Variants in BRSK2 observed in about 807,000 individuals in gnomAD.
The protein encoded by BRSK2 is BR serine/threonine kinase 2.
Under a neutral mutation model 83.3 loss-of-function variants are expected in BRSK2, and 19 were observed. The ratio of observed to expected loss-of-function variants is 0.23; its 90% CI spans 0.16 to 0.33. The LOEUF (loss-of-function observed/expected upper bound fraction) is 0.33, where lower values mean the gene tolerates loss of function less well. Among genes scored for constraint, BRSK2 ranks in the 10% least tolerant of loss-of-function variants. BRSK2 has a pLI of 1.00. For synonymous variants in BRSK2, 519 were observed against 435.4 expected (o/e 1.19, Z -2.39); for missense variants, 798 against 1,042.3 (o/e 0.77, Z 3.23).
chr11:1,411,244 C>G (rs1847462874), intron 1 of BRSK2: 3 of 1,273,124 alleles, frequency 2.4e-6, no homozygotes, highest in Admixed American at 4.0e-5. Context: ...CTTCCTTCCT[C>G]ACAGCCTTGC....
chr11:1,460,384 C>A, intron 19 of BRSK2, 116 bp from the exon 20 acceptor site: 5 of 935,128 alleles, frequency 5.3e-6, no homozygotes, highest in Non-Finnish European at 7.3e-6. Context: ...GAGGCCTCTT[C>A]GTTCATTTGT....
At chr11:1,457,258 A>G (rs886658219) in intron 18 of BRSK2, among the ~76,000 whole-genome samples, 3 of 152,068 alleles carry the variant, frequency 2.0e-5, no homozygotes, top group Admixed American at 6.5e-5. Flanking sequence ...ACTCCCCGCC[A>G]TGGCACCCTA....
chr11:1,457,013 G>A (rs1412213263), intron 18 of BRSK2: 1 of 1,595,982 alleles, frequency 6.3e-7, no homozygotes, highest in Admixed American at 1.7e-5. Context: ...GCCAGAAGGT[G>A]GCCACCAGCT....
intron 2 of BRSK2, among the ~76,000 whole-genome samples, chr11:1,437,843 C>T (rs944554083): frequency 4.7e-4 from 71 of 152,142 alleles, no homozygotes; most frequent in Non-Finnish European, 1.8e-4. Context: ...GCTGGGCTCA[C>T]AGAGAGGCCC....
At position 1,460,552 on chromosome 11, in the gene BRSK2, GA is replaced by G. The variant is rs1847343158; in HGVS notation, c.2042del (p.Lys681ArgfsTer176). On this transcript the variant is annotated frameshift_variant, in exon 20 of 20. Coordinates refer to ENST00000528841, the MANE Select transcript of BRSK2 (RefSeq NM_001256627.2). LOFTEE classifies it high-confidence loss of function. ...TAATTAAACAACTTTTTTCAGACGA[GA>G]AGAACGGGCAGGCGGCCCAGGCCCC... is the stretch of plus-strand genomic sequence containing the variant. ...DVIKQLFSDEKNGQAAQAPST... is the reference protein window; with the variant it reads ...DVIKQLFSDEXNGQAAQAPST... 1.1e-5 allele frequency: 16 copies of G among 1,522,330 alleles called. No homozygotes were observed. The highest frequency in any genetic ancestry group is 2.0e-5 in the Admixed American group (1 of 50,002). The allele number at this position is 1,522,330 out of a possible 1,614,324, so 94.3% of individuals were successfully genotyped here. A position where few individuals can be genotyped will look rare whatever the true frequency, so the allele number is the denominator to read the frequency against.
intron 1 of BRSK2, among the ~76,000 whole-genome samples, chr11:1,391,481 G>A (rs181579351): frequency 9.6e-4 from 146 of 152,318 alleles, no homozygotes; most frequent in African/African-American, 3.3e-3. Context: ...TTGGGGGAGG[G>A]CCGTGGCTGT....
chr11:1,452,712 C>T (rs929311880), intron 15 of BRSK2, among the ~76,000 whole-genome samples: 2 of 151,588 alleles, frequency 1.3e-5, no homozygotes, highest in African/African-American at 4.9e-5. Context: ...ACAGCCGTTC[C>T]CGAGGGTCCA....
rs1250348090 is a variant in BRSK2, at chr11:1,443,736, ACCCAGGTGTGTGGGTCGGTG to A, written c.780+115_780+134del. 82 of 1,380,956 alleles carry A rather than the reference ACCCAGGTGTGTGGGTCGGTG, an allele frequency of 5.9e-5. No homozygotes were observed. The African/African-American group carries it at 8.2e-4, about 14-fold the overall frequency. 85.5% of individuals were successfully genotyped at this position (1,380,956 alleles called of 1,614,324 possible). ...CAGGTGTGTGCCCAGACGTGTGGGC[ACCCAGGTGTGTGGGTCGGTG>A]CCCAGGTGTGTGGACGTGTGCACAG... On this transcript the variant is annotated intron_variant, in intron 8 of 19. Coordinates refer to ENST00000528841, the MANE Select transcript of BRSK2 (RefSeq NM_001256627.2).
chr11:1,390,438 G>A lies in BRSK2; in HGVS notation c.91+63G>A, dbSNP rs560400422. 1,255 of 926,016 alleles carry A rather than the reference G, an allele frequency of 1.4e-3. 2 individuals carry two copies. The highest frequency in any genetic ancestry group is 1.5e-3 in the Non-Finnish European group (1,155 of 770,732). The allele number at this position is 926,016 out of a possible 1,614,324, so 57.4% of individuals were successfully genotyped here. A position where few individuals can be genotyped will look rare whatever the true frequency, so the allele number is the denominator to read the frequency against. ...CCGCGCTGGCAGCGCGCTGGGTGGG[G>A]GGCGCCCGAGGGAGGCCCCGGCCGC... On this transcript the variant is annotated intron_variant, in intron 1 of 19. Coordinates refer to ENST00000528841, the MANE Select transcript of BRSK2 (RefSeq NM_001256627.2). The surrounding 1 kb of genome is among the most constrained non-coding windows in gnomAD (Gnocchi z 6.8).
At position 1,450,598 on chromosome 11, in the gene BRSK2, C is replaced by T. The variant is rs1402196516; in HGVS notation, c.1299C>T (p.His433=). The T allele has an allele frequency of 9.5e-6, 15 of 1,578,880 alleles. No individual in the cohort carries two copies. Among genetic ancestry groups the T allele is most frequent in the Non-Finnish European group, 7.7e-6 (9 of 1,162,790 alleles). ...SPLSSPRVTP[H]PSPRGSPLPT... The stretch of plus-strand genomic sequence containing the variant: ...TCCCCACCATACAGGTGACCCCTCA[C>T]CCCTCACCAAGGGGCAGTCCCCTCC... The change falls in exon 14 of 20, where the codon CAC becomes CAT. Residue 433 remains histidine, a synonymous_variant. Coordinates refer to ENST00000528841, the MANE Select transcript of BRSK2 (RefSeq NM_001256627.2).
intron 12 of BRSK2, among the ~76,000 whole-genome samples, chr11:1,449,462 G>A (rs1224630700): frequency 1.3e-5 from 2 of 152,198 alleles, no homozygotes; most frequent in East Asian, 3.9e-4. Context: ...CTGTCCCCTC[G>A]TCCTTCCGTC....
At chr11:1,445,087 G>A (rs750225787) in intron 9 of BRSK2, 85 bp downstream of exon 9, 39 of 1,550,672 alleles carry the variant, frequency 2.5e-5, no homozygotes, top group Non-Finnish European at 3.2e-5. Flanking sequence ...GGGGGAGGGC[G>A]CCGGCCCAGC....
At chr11:1,429,200 T>G (rs1369545825) in intron 1 of BRSK2, among the ~76,000 whole-genome samples, 1 of 141,520 alleles carries the variant, frequency 7.1e-6, no homozygotes, top group Admixed American at 7.0e-5. Flanking sequence ...TGTGCATGGG[T>G]GTGTGTGCAC....
At chr11:1,413,644 G>C (rs1847796190) in intron 1 of BRSK2, among the ~76,000 whole-genome samples, 1 of 152,238 alleles carries the variant, frequency 6.6e-6, no homozygotes, top group Non-Finnish European at 1.5e-5. Context: ...CATGTGGCCT[G>C]GGCTCCCTGC....
In BRSK2 at chr11:1,461,239, C is replaced by A. The variant is rs1847464869; in HGVS notation, c.*516C>A. On this transcript the variant is annotated 3_prime_UTR_variant, in exon 20 of 20. Transcript: ENST00000528841. ...CAGCAAGAACAGCCTGCCTGGTGGC[C>A]TTCTGGGGCCAGGACCCCTGGTGGG... The A allele has an allele frequency of 3.4e-6, 2 of 592,338 alleles. No individual in the cohort carries two copies. Among genetic ancestry groups the A allele is most frequent in the Admixed American group, 6.6e-5 (2 of 30,204 alleles). The allele number at this position is 592,338 out of a possible 1,614,324, so 36.7% of individuals were successfully genotyped here. A position where few individuals can be genotyped will look rare whatever the true frequency, so the allele number is the denominator to read the frequency against.
intron 1 of BRSK2, among the ~76,000 whole-genome samples, chr11:1,435,009 C>A (rs916717179): frequency 1.3e-5 from 2 of 151,306 alleles, no homozygotes; most frequent in Non-Finnish European, 2.9e-5. Flanking sequence ...GGCCGAGGCG[C>A]GGAGGGGGAC....
At position 1,449,811 on chromosome 11, in the gene BRSK2, C is replaced by A. The variant is rs1425525357; in HGVS notation, c.1262C>A (p.Ser421Tyr). 6.2e-7 allele frequency: 1 copy of A among 1,612,234 alleles called. No individual in the cohort carries two copies. The highest frequency in any genetic ancestry group is 1.1e-5 in the South Asian group (1 of 91,014). Reference sequence around the variant, plus strand: ...ATCAGCGGTGCCTCCTCAGGCCTTTCCACCAGCCCACTCAGCAGCCCCCGG... The same window carrying A: ...ATCAGCGGTGCCTCCTCAGGCCTTTACACCAGCCCACTCAGCAGCCCCCGG... ...RSISGASSGL[S>Y]TSPLSSPRVT... Residue 421 changes from serine (S) to tyrosine (Y), a missense_variant, in exon 13 of 20, where the codon TCC becomes TAC. Around this residue, in one of 6 missense-constraint regions of BRSK2, gnomAD observed 455 missense variants for 455.2 expected, o/e 1.00. Transcript: ENST00000528841.
At chr11:1,402,287 G>C (rs1189765126) in intron 1 of BRSK2, among the ~76,000 whole-genome samples, 4 of 152,206 alleles carry the variant, frequency 2.6e-5, no homozygotes, top group Non-Finnish European at 5.9e-5. Context: ...GCACTCCTGG[G>C]AGCCCTTTGT....
intron 3 of BRSK2, among the ~76,000 whole-genome samples, chr11:1,439,392 G>A (rs1262660493): frequency 1.3e-5 from 2 of 152,134 alleles, no homozygotes; most frequent in Non-Finnish European, 2.9e-5. Flanking sequence ...CAGGGGCTCA[G>A]AAACTGTCAC....
Sources: allele counts gnomAD v4.1 joint callset (sites outside exome capture counted in the v4.1 genomes callset), GRCh38; gene constraint gnomAD v4.1.1; regional missense constraint gnomAD v4.1.1; non-coding constraint Gnocchi (gnomAD v3.1); transcripts MANE v1.5; gene names NCBI Gene and HGNC (gene_info 2026-07-23, HGNC 2026-07-21).